Variants in GOLGA3 observed in about 807,000 individuals in gnomAD.
GOLGA3 encodes golgin A3, also known as golgin subfamily A member 3.
A neutral mutation model predicts 169.4 loss-of-function variants in GOLGA3; 75 were observed. The observed-to-expected ratio is 0.44, with a 90% CI of 0.37 to 0.54. The LOEUF (loss-of-function observed/expected upper bound fraction) is 0.54. Ranked by LOEUF, GOLGA3 falls within the 20% of genes least tolerant of loss-of-function variation. The pLI is 0.00. For synonymous variants in GOLGA3, 824 were observed against 822.4 expected (o/e 1.00, Z -0.03); for missense variants, 1,899 against 1,930.0 (o/e 0.98, Z 0.30).
Position 132,808,378 on chromosome 12 carries a change from G to A in GOLGA3, c.691C>T (p.His231Tyr), listed in dbSNP as rs1429269918. The change falls in exon 5 of 24, where the codon CAT becomes TAT. Residue 231 changes from histidine (H) to tyrosine (Y), a missense_variant. Coordinates refer to ENST00000450791, the MANE Select transcript of GOLGA3 (RefSeq NM_001389683.1). ...TTGGAAGTTTTTTTCTCCCTAGGAT[G>A]TGCCGGAAGCCCCAGGCTGCCCACC... ...PKVGSLGLPA[H>Y]PREKKTSKSS... The A allele has an allele frequency of 1.2e-6, 2 of 1,614,096 alleles. No homozygotes were observed. Among genetic ancestry groups the A allele is most frequent in the South Asian group, 1.1e-5 (1 of 91,076 alleles).
chr12:132,821,279 T>A (rs899540491), intron 2 of GOLGA3, among the ~76,000 whole-genome samples: 3 of 151,554 alleles, frequency 2.0e-5, no homozygotes, highest in African/African-American at 7.3e-5. Context: ...TGGTAGCGCA[T>A]GCCTGTAATC....
rs767589707 is a variant in GOLGA3, at chr12:132,769,878, T to C, written c.*3227A>G. On this transcript the variant is annotated 3_prime_UTR_variant, in exon 24 of 24. Transcript: ENST00000450791. ...TATGCACTGAAGTAACTCTGGAAGGTAGAAGTGCCGGGAGAGTCCCTTGGA... is the reference window on the plus strand; with the variant it reads ...TATGCACTGAAGTAACTCTGGAAGGCAGAAGTGCCGGGAGAGTCCCTTGGA... 6.6e-6 allele frequency: 1 copy of C among 152,120 alleles called. No individual in the cohort carries two copies. Among genetic ancestry groups the C allele is most frequent in the Non-Finnish European group, 1.5e-5 (1 of 68,032 alleles). The allele number at this position is 152,120 out of a possible 1,614,324, so 9.4% of individuals were successfully genotyped here. A position where few individuals can be genotyped will look rare whatever the true frequency, so the allele number is the denominator to read the frequency against.
rs557692266 is a variant in GOLGA3 at position 132,821,759 on chromosome 12, C to G, written c.133+237G>C. ...ATCCCAGCTACTCAGGAGGCTGGGG[C>G]AAGAGAATGGCATGAACCCGGGAGG... On this transcript the variant is annotated intron_variant, in intron 2 of 23. Transcript: ENST00000450791. 3.2e-4 allele frequency among the ~76,000 whole-genome samples: 45 copies of G among 141,726 alleles called. 1 individual carries two copies. Among genetic ancestry groups the G allele is most frequent in the Non-Finnish European group, 5.8e-4 (38 of 65,350 alleles). The allele number at this position is 141,726 out of a possible 152,430, so 93.0% of individuals were successfully genotyped here. A position where few individuals can be genotyped will look rare whatever the true frequency, so the allele number is the denominator to read the frequency against.
rs772299948 is a variant in GOLGA3, at chr12:132,772,738, G to A, written c.*367C>T. 11 of 183,872 alleles carry A rather than the reference G, an allele frequency of 6.0e-5. No homozygotes were observed. Among genetic ancestry groups the A allele is most frequent in the Admixed American group, 1.2e-4 (2 of 16,826 alleles). 11.4% of individuals were successfully genotyped at this position (183,872 alleles called of 1,614,324 possible). ...GAAACTGCAGCCGGCCTGGCCAGGCGCGGTGCCGCAGACCCTGTCACACAG... is the reference window on the plus strand; with the variant it reads ...GAAACTGCAGCCGGCCTGGCCAGGCACGGTGCCGCAGACCCTGTCACACAG... On this transcript the variant is annotated 3_prime_UTR_variant, in exon 24 of 24. Coordinates refer to ENST00000450791, the MANE Select transcript of GOLGA3 (RefSeq NM_001389683.1).
intron 18 of GOLGA3, among the ~76,000 whole-genome samples, chr12:132,780,052 C>T (rs1193783811): frequency 7.0e-6 from 1 of 143,046 alleles, no homozygotes; most frequent in African/African-American, 2.6e-5. Context: ...CCCCCCCGCG[C>T]ACATACACAC....
Position 132,777,521 on chromosome 12 carries a change from TG to T in GOLGA3, c.3722+144del. 1 of 818,624 alleles carries T rather than the reference TG, an allele frequency of 1.2e-6. No individual in the cohort carries two copies. Among genetic ancestry groups the T allele is most frequent in the Non-Finnish European group, 1.9e-6 (1 of 524,844 alleles). The allele number at this position is 818,624 out of a possible 1,614,324, so 50.7% of individuals were successfully genotyped here. A position where few individuals can be genotyped will look rare whatever the true frequency, so the allele number is the denominator to read the frequency against. The stretch of plus-strand genomic sequence containing the variant: ...GGCTCAGGATTCTGGAGACGGAGGC[TG>T]GGTGCCTTCTACTCCTATGATTCAC... On this transcript the variant is annotated intron_variant, in intron 19 of 23. Coordinates refer to ENST00000450791, the MANE Select transcript of GOLGA3 (RefSeq NM_001389683.1). This position sits in a 1 kb window ranked among gnomAD's most constrained non-coding sequence, Gnocchi z 4.7.
intron 7 of GOLGA3, among the ~76,000 whole-genome samples, chr12:132,803,317 A>C (rs905005799): frequency 6.6e-6 from 1 of 152,200 alleles, no homozygotes; most frequent in African/African-American, 2.4e-5. Flanking sequence ...AAACAAATTT[A>C]ATCAAGTCGG....
chr12:132,801,318 G>A (rs1049321894), intron 8 of GOLGA3, among the ~76,000 whole-genome samples: 7 of 152,214 alleles, frequency 4.6e-5, no homozygotes, highest in African/African-American at 7.2e-5. Context: ...AGCTCCAACC[G>A]GGAAGAGAAC....
At position 132,780,819 on chromosome 12, in the gene GOLGA3, C is replaced by G. The variant is rs149936496; in HGVS notation, c.3561G>C (p.Lys1187Asn). Residue 1187 changes from lysine (K) to asparagine (N), a missense_variant, in exon 18 of 24, where the codon AAG (lysine) becomes AAC (asparagine). Physicochemically the swap from Lys to Asn is moderately conservative, Grantham distance 94. Transcript: ENST00000450791. ...GCACCTGCTCCTTGAGGCTGTTCACCTTCTCCTTCTCCTTCTCTAGTGAGG... is the reference window on the plus strand; with the variant it reads ...GCACCTGCTCCTTGAGGCTGTTCACGTTCTCCTTCTCCTTCTCTAGTGAGG... ...LQASLEKEKEKVNSLKEQVAA... is the reference protein window; with the variant it reads ...LQASLEKEKENVNSLKEQVAA... 7,086 of 1,609,104 alleles carry G rather than the reference C, an allele frequency of 4.4e-3. 24 individuals carry two copies. The highest frequency in any genetic ancestry group is 5.3e-3 in the Non-Finnish European group (6,251 of 1,177,538).
At chr12:132,786,934 G>A (rs1422137176) in intron 13 of GOLGA3, 147 bp from the exon 14 acceptor site, 5 of 629,050 alleles carry the variant, frequency 7.9e-6, no homozygotes, top group East Asian at 2.7e-5. Context: ...TGAGAGAGAC[G>A]TCTGCCTTCT....
rs115546645 is a variant in GOLGA3 at position 132,801,751 on chromosome 12, T to C, written c.1800+16A>G. The C allele has an allele frequency of 5.0e-3, 8,062 of 1,607,390 alleles. 329 individuals are homozygous for C. The African/African-American group carries it at 0.092, about 18-fold the overall frequency. On this transcript the variant is annotated intron_variant, in intron 8 of 23. Coordinates refer to ENST00000450791, the MANE Select transcript of GOLGA3 (RefSeq NM_001389683.1). ...AAGAAGCGTGACCTGCCCTGGAAGG[T>C]AGATGTGGGCCGTACCTGGATGTGG...
intron 1 of GOLGA3, among the ~76,000 whole-genome samples, chr12:132,827,274 C>A (rs984131263): frequency 1.3e-5 from 2 of 152,208 alleles, no homozygotes; most frequent in African/African-American, 4.8e-5. Flanking sequence ...AAAGTAAACA[C>A]AGATCTATAC....
chr12:132,772,561 A>AAC lies in GOLGA3; in HGVS notation c.*543_*544insGT, dbSNP rs2044955944. 6.6e-6 allele frequency: 1 copy of AAC among 152,010 alleles called. No individual in the cohort carries two copies. The highest frequency in any genetic ancestry group is 2.4e-5 in the African/African-American group (1 of 41,402). 9.4% of individuals were successfully genotyped at this position (152,010 alleles called of 1,614,324 possible). On this transcript the variant is annotated 3_prime_UTR_variant, in exon 24 of 24. Transcript: ENST00000450791. The stretch of plus-strand genomic sequence containing the variant: ...TCTGTCTCAAAAAAAAAAAAAAAAA[A>AAC]AAAACAAAGATTGGATTATGATATT...
chr12:132,814,198 A>T (rs2136682163), intron 3 of GOLGA3, among the ~76,000 whole-genome samples: 1 of 151,142 alleles, frequency 6.6e-6, no homozygotes. Flanking sequence ...CGACTTTGGT[A>T]TTTTTAGTAG....
intron 22 of GOLGA3, 31 bp downstream of exon 22, chr12:132,775,110 G>A: frequency 6.3e-7 from 1 of 1,597,308 alleles, no homozygotes. Flanking sequence ...GCGCACGTCG[G>A]CTACCCCGGG....
intron 18 of GOLGA3, among the ~76,000 whole-genome samples, chr12:132,779,545 A>G (rs1448519083): frequency 6.6e-6 from 1 of 152,252 alleles, no homozygotes; most frequent in African/African-American, 2.4e-5. Flanking sequence ...CTTCACTGTT[A>G]GGCCGAAAAG....
chr12:132,828,654 G>A (rs1950524305), intron 1 of GOLGA3, 149 bp downstream of exon 1: 1 of 152,370 alleles, frequency 6.6e-6, no homozygotes, highest in East Asian at 1.9e-4. Flanking sequence ...CGAGGCGGGG[G>A]TGACTGGAAC....
In GOLGA3 at chr12:132,804,622, AAGG is replaced by A. The variant is rs1949298048; in HGVS notation, c.1597+91_1597+93del. 1 of 1,029,554 alleles carries A rather than the reference AAGG, an allele frequency of 9.7e-7. No homozygotes were observed. The allele number at this position is 1,029,554 out of a possible 1,614,324, so 63.8% of individuals were successfully genotyped here. On this transcript the variant is annotated intron_variant, in intron 7 of 23. Coordinates refer to ENST00000450791, the MANE Select transcript of GOLGA3 (RefSeq NM_001389683.1). This position sits in a 1 kb window ranked among gnomAD's most constrained non-coding sequence, Gnocchi z 4.1. ...AGGGAGCAGCAAGGACCAGTCAGGGAAGGAGGAGGGCGTGGCGGGGGCCAGTCG... is the reference window on the plus strand; with the variant it reads ...AGGGAGCAGCAAGGACCAGTCAGGGAAGGAGGGCGTGGCGGGGGCCAGTCG...
Position 132,787,852 on chromosome 12 carries a change from C to T in GOLGA3, c.2812-1065G>A, listed in dbSNP as rs1199756113. ...CCCCGGAGACCCCGGGACCCCTCCC[C>T]GGAGACCCCGGGACCCCTTCCCGAG... On this transcript the variant is annotated intron_variant, in intron 13 of 23. Transcript: ENST00000450791. Among the ~76,000 whole-genome samples the T allele has an allele frequency of 1.2e-4, 13 of 109,858 alleles. 2 individuals are homozygous for T. Among genetic ancestry groups the T allele is most frequent in the African/African-American group, 3.4e-5 (1 of 29,160 alleles). 72.1% of individuals were successfully genotyped at this position (109,858 alleles called of 152,430 possible).
Sources: gnomAD v4.1 joint callset for allele counts (sites outside exome capture counted in the v4.1 genomes callset) on GRCh38, gnomAD v4.1.1 for gene constraint, Gnocchi (gnomAD v3.1) non-coding constraint, MANE v1.5 for transcripts, NCBI Gene and HGNC (gene_info 2026-07-23, HGNC 2026-07-21) for gene names.